BRD7: variants seen among roughly 807,000 people sequenced by gnomAD.
BRD7 encodes bromodomain-containing protein 7.
BRD7 carries 15 observed loss-of-function variants against 82.1 expected under a neutral mutation model. That is an observed-to-expected ratio of 0.18 (90% CI 0.12 to 0.28). The LOEUF (loss-of-function observed/expected upper bound fraction) is 0.28, where lower values mean the gene tolerates loss of function less well. Among genes scored for constraint, BRD7 ranks in the 10% least tolerant of loss-of-function variants. BRD7 has a pLI of 1.00. For synonymous variants in BRD7, 232 were observed against 266.9 expected (o/e 0.87, Z 1.27); for missense variants, 638 against 779.9 (o/e 0.82, Z 2.17).
rs2039262851 is a variant in BRD7 at position 50,368,789 on chromosome 16, C to T, written c.-15G>A. On this transcript the variant is annotated 5_prime_UTR_variant, in exon 1 of 17. Transcript: ENST00000394688. ...TTCTTGCCCATGTCCGACCGGGCCC[C>T]GGTGCCCGCCCCCCGCGCCAGGCCC... is the stretch of plus-strand genomic sequence containing the variant. 6.6e-7 allele frequency: 1 copy of T among 1,521,210 alleles called. No homozygotes were observed. Among genetic ancestry groups the T allele is most frequent in the South Asian group, 1.2e-5 (1 of 84,682 alleles). 94.2% of individuals were successfully genotyped at this position (1,521,210 alleles called of 1,614,324 possible).
Position 50,334,784 on chromosome 16 carries a change from A to G in BRD7, c.814T>C (p.Trp272Arg). ...TSQSGEDGGC[W>R]QREREDSGDA... Reference sequence around the variant, plus strand: ...CCAGAGTCCTCTCTCTCTCTCTGCCAGCAGCCTCCGTCCTCCCCACTCTGT... The same window carrying G: ...CCAGAGTCCTCTCTCTCTCTCTGCCGGCAGCCTCCGTCCTCCCCACTCTGT... Residue 272 changes from tryptophan (W) to arginine (R), a missense_variant, in exon 7 of 17, where the codon TGG becomes CGG. Transcript: ENST00000394688. 1 of 1,614,036 alleles carries G rather than the reference A, an allele frequency of 6.2e-7. No homozygotes were observed. Among genetic ancestry groups the G allele is most frequent in the Non-Finnish European group, 8.5e-7 (1 of 1,179,948 alleles).
chr16:50,354,970 T>A, intron 2 of BRD7, 48 bp from the exon 3 acceptor site: 1 of 1,584,354 alleles, frequency 6.3e-7, no homozygotes, highest in Non-Finnish European at 8.6e-7. Context: ...AGAACCAATA[T>A]CTTTAAATAC....
chr16:50,359,479 T>C (rs1442558280), intron 2 of BRD7, among the ~76,000 whole-genome samples: 1 of 152,198 alleles, frequency 6.6e-6, no homozygotes, highest in Non-Finnish European at 1.5e-5. Context: ...AAAAGAGGCT[T>C]TACTGTGTGG....
At chr16:50,329,539 A>T (rs913070352) in intron 8 of BRD7, among the ~76,000 whole-genome samples, 1 of 152,190 alleles carries the variant, frequency 6.6e-6, no homozygotes, top group Non-Finnish European at 1.5e-5. Flanking sequence ...CCGTGGAGGA[A>T]ATCCCAGGTG....
At chr16:50,331,634 G>C (rs1206315045) in intron 8 of BRD7, among the ~76,000 whole-genome samples, 1 of 152,218 alleles carries the variant, frequency 6.6e-6, no homozygotes, top group African/African-American at 2.4e-5. Flanking sequence ...CTCCCAAGGT[G>C]GAGGCTGTAG....
chr16:50,319,179 G>A lies in BRD7; in HGVS notation c.*32C>T, dbSNP rs764892828. On this transcript the variant is annotated 3_prime_UTR_variant, in exon 17 of 17. Transcript: ENST00000394688. ...TTCTAAGTTAAGAATGAAAAAGTAT[G>A]TACATAATATATAATCAAATACCAG... 6.6e-7 allele frequency: 1 copy of A among 1,524,230 alleles called. No individual in the cohort carries two copies. Among genetic ancestry groups the A allele is most frequent in the Non-Finnish European group, 9.0e-7 (1 of 1,106,244 alleles). The allele number at this position is 1,524,230 out of a possible 1,614,324, so 94.4% of individuals were successfully genotyped here. A position where few individuals can be genotyped will look rare whatever the true frequency, so the allele number is the denominator to read the frequency against.
chr16:50,346,526 A>C (rs1235927318), intron 5 of BRD7, among the ~76,000 whole-genome samples: 1 of 152,196 alleles, frequency 6.6e-6, no homozygotes, highest in Non-Finnish European at 1.5e-5. Flanking sequence ...ACCACTAGCA[A>C]GACTAAGAAG....
Position 50,334,807 on chromosome 16 carries a change from T to C in BRD7, c.791A>G (p.Gln264Arg), listed in dbSNP as rs2037727355. The C allele has an allele frequency of 6.2e-7, 1 of 1,614,162 alleles. No homozygotes were observed. The highest frequency in any genetic ancestry group is 8.5e-7 in the Non-Finnish European group (1 of 1,179,984). ...RKQKDGTDTS[Q>R]SGEDGGCWQR... ...CCAGCAGCCTCCGTCCTCCCCACTC[T>C]GTGAGGTGTCTGTTCCATCTTTCTG... Residue 264 changes from glutamine to arginine, a missense_variant, in exon 7 of 17, where the codon CAG becomes CGG. Gln to Arg is a conservative substitution (Grantham distance 43). This residue lies in a region of BRD7 where 402 missense variants were observed against 500.8 expected (regional missense o/e 0.80). Transcript: ENST00000394688.
chr16:50,329,278 A>G lies in BRD7; in HGVS notation c.1012-534T>C, dbSNP rs1278318949. On this transcript the variant is annotated intron_variant, in intron 8 of 16. Transcript: ENST00000394688. ...GCTCTGTGGGTCCTTAAGGCCACCT[A>G]GTCCTCCCCAGTCTATCAAAAAAGG... 3.0e-4 allele frequency among the ~76,000 whole-genome samples: 46 copies of G among 152,138 alleles called. 1 individual carries two copies. The highest frequency in any genetic ancestry group is 3.0e-3 in the Admixed American group (46 of 15,278).
chr16:50,319,355 A>G (rs1179901982), intron 16 of BRD7, 89 bp from the exon 17 acceptor site: 13 of 1,271,754 alleles, frequency 1.0e-5, no homozygotes, highest in South Asian at 5.2e-5. Context: ...ATCCAGAAGC[A>G]TAACTGCTGA....
intron 2 of BRD7, among the ~76,000 whole-genome samples, chr16:50,363,243 G>T (rs56350859): frequency 0.18 from 27,074 of 152,146 alleles, 2,903 homozygotes; most frequent in Admixed American, 0.26. Context: ...TCTTGTGTAT[G>T]TATGACTAGA....
chr16:50,356,978 T>C (rs1366843241), intron 2 of BRD7, among the ~76,000 whole-genome samples: 1 of 152,234 alleles, frequency 6.6e-6, no homozygotes, highest in Non-Finnish European at 1.5e-5. Flanking sequence ...ATTTCTAGTA[T>C]CTACAGCAAT....
chr16:50,344,402 G>T (rs1410203741), intron 5 of BRD7, among the ~76,000 whole-genome samples: 1 of 152,218 alleles, frequency 6.6e-6, no homozygotes, highest in Non-Finnish European at 1.5e-5. Flanking sequence ...AACAAAGCTG[G>T]AGGGAGAAAG....
intron 6 of BRD7, 26 bp from the exon 7 acceptor site, chr16:50,334,921 TTA>T (rs745695214): frequency 1.3e-6 from 2 of 1,599,156 alleles, no homozygotes; most frequent in South Asian, 2.2e-5. Context: ...AATATTCTTA[TTA>T]TATGTTTGTC....
intron 9 of BRD7, among the ~76,000 whole-genome samples, chr16:50,326,985 C>T (rs2151142391): frequency 6.6e-6 from 1 of 152,312 alleles, no homozygotes; most frequent in African/African-American, 2.4e-5. Context: ...AACAGAGGGA[C>T]ATCTGCTCTC....
rs1429023515 is a variant in BRD7, at chr16:50,318,641, C to CTT, written c.*568_*569dup. The CTT allele has an allele frequency of 6.6e-6, 1 of 152,402 alleles. No individual in the cohort carries two copies. The highest frequency in any genetic ancestry group is 2.4e-5 in the African/African-American group (1 of 41,576). 9.4% of individuals were successfully genotyped at this position (152,402 alleles called of 1,614,324 possible). ...AATTCCCTGATCTATTCAAGGATGA[C>CTT]TTAGTTTATCTTATTTGGCTTATTA... is the stretch of plus-strand genomic sequence containing the variant. On this transcript the variant is annotated 3_prime_UTR_variant, in exon 17 of 17. Transcript: ENST00000394688.
At chr16:50,326,180 C>G in intron 10 of BRD7, 104 bp downstream of exon 10, 1 of 916,926 alleles carries the variant, frequency 1.1e-6, no homozygotes, top group Non-Finnish European at 1.7e-6. Context: ...AAAATACCAC[C>G]AAGATACTGG....
At chr16:50,321,813 C>T (rs1261263549) in intron 13 of BRD7, among the ~76,000 whole-genome samples, 169 bp downstream of exon 13, 1 of 152,138 alleles carries the variant, frequency 6.6e-6, no homozygotes, top group Non-Finnish European at 1.5e-5. Context: ...TATAATTGTG[C>T]AACTTGGCAC....
At chr16:50,321,929 A>C in intron 13 of BRD7, 53 bp downstream of exon 13, 1 of 1,515,278 alleles carries the variant, frequency 6.6e-7, no homozygotes, top group Non-Finnish European at 9.1e-7. Flanking sequence ...GACTTCTCTT[A>C]CTCCCCTTAT....
Sources: gnomAD v4.1 joint callset for allele counts (sites outside exome capture counted in the v4.1 genomes callset) on GRCh38, gnomAD v4.1.1 for gene constraint, gnomAD v4.1.1 regional missense constraint, MANE v1.5 for transcripts, NCBI Gene and HGNC (gene_info 2026-07-23, HGNC 2026-07-21) for gene names.